Variants in TOX observed in about 807,000 individuals in gnomAD.
TOX encodes thymocyte selection associated high mobility group box.
Under a neutral mutation model 53.7 loss-of-function variants are expected in TOX, and 11 were observed. That is an observed-to-expected ratio of 0.20 (90% CI 0.13 to 0.34). The LOEUF is 0.34. TOX is among the 10% of genes least tolerant of loss of function. The pLI is 1.00. For missense variants in TOX, 570 were observed against 664.6 expected (o/e 0.86, Z 1.56); for synonymous variants, 225 against 245.3 (o/e 0.92, Z 0.77).
At chr8:58,997,460 T>C (rs921213231) in intron 1 of TOX, among the ~76,000 whole-genome samples, 4 of 152,182 alleles carry the variant, frequency 2.6e-5, no homozygotes, top group Admixed American at 1.3e-4. Flanking sequence ...TCTGAAACCT[T>C]TTCCTAGGCC....
At chr8:59,000,913 G>T (rs1315471821) in intron 1 of TOX, among the ~76,000 whole-genome samples, 2 of 152,224 alleles carry the variant, frequency 1.3e-5, no homozygotes, top group African/African-American at 4.8e-5. Flanking sequence ...AGGCAATTCA[G>T]TTATGAAATT....
At chr8:59,113,490 G>A (rs1805054122) in intron 1 of TOX, among the ~76,000 whole-genome samples, 1 of 152,076 alleles carries the variant, frequency 6.6e-6, no homozygotes, top group South Asian at 2.1e-4. Context: ...AGGGCTGGTA[G>A]ATTCCAAATA....
At chr8:58,842,507 C>A (rs1048526961) in intron 4 of TOX, among the ~76,000 whole-genome samples, 2 of 152,108 alleles carry the variant, frequency 1.3e-5, no homozygotes, top group African/African-American at 4.8e-5. Context: ...TCTGTTACAG[C>A]GGCACAAAAT....
At chr8:59,084,804 G>T (rs1285809786) in intron 1 of TOX, among the ~76,000 whole-genome samples, 2 of 152,122 alleles carry the variant, frequency 1.3e-5, no homozygotes. Flanking sequence ...GAAGTGTAAA[G>T]GAATACTGGA....
intron 3 of TOX, among the ~76,000 whole-genome samples, chr8:58,913,615 T>C: frequency 6.6e-6 from 1 of 152,238 alleles, no homozygotes; most frequent in African/African-American, 2.4e-5. Context: ...TAGTTTGATT[T>C]ATTTATATAT....
At chr8:59,023,134 G>A (rs1375907373) in intron 1 of TOX, among the ~76,000 whole-genome samples, 2 of 152,154 alleles carry the variant, frequency 1.3e-5, no homozygotes, top group Non-Finnish European at 2.9e-5. Context: ...GACCAATCTC[G>A]CTGAGAAACT....
chr8:58,966,979 A>G (rs1399662440), intron 1 of TOX, among the ~76,000 whole-genome samples: 1 of 147,286 alleles, frequency 6.8e-6, no homozygotes, highest in Non-Finnish European at 1.5e-5. Context: ...GGTTCATGCC[A>G]TTCTCCTGTC....
intron 4 of TOX, among the ~76,000 whole-genome samples, chr8:58,847,641 C>G (rs1293144264): frequency 1.3e-5 from 2 of 151,874 alleles, no homozygotes; most frequent in African/African-American, 4.8e-5. Flanking sequence ...AAAATTTCCC[C>G]AAAATGCTGA....
chr8:58,986,991 C>G (rs1459530050), intron 1 of TOX, among the ~76,000 whole-genome samples: 1 of 152,160 alleles, frequency 6.6e-6, no homozygotes, highest in Non-Finnish European at 1.5e-5. Context: ...AACGCCTAGT[C>G]TGAATTTCAT....
chr8:59,000,424 GA>G (rs1813669489), intron 1 of TOX, among the ~76,000 whole-genome samples: 1 of 152,012 alleles, frequency 6.6e-6, no homozygotes, highest in East Asian at 1.9e-4. Context: ...AGTTCATTGG[GA>G]AAAAAATGAG....
chr8:59,017,125 T>C (rs551627904), intron 1 of TOX, among the ~76,000 whole-genome samples: 128 of 152,360 alleles, frequency 8.4e-4, no homozygotes, highest in Admixed American at 2.1e-3. Flanking sequence ...TGCGAGGACA[T>C]CGTCTAGCTT....
chr8:58,830,973 T>C (rs1013955891), intron 5 of TOX, among the ~76,000 whole-genome samples: 15 of 152,340 alleles, frequency 9.8e-5, no homozygotes, highest in Middle Eastern at 3.4e-3. Flanking sequence ...CAAGTGCATC[T>C]ATATTTTATA....
At chr8:58,986,403 C>T (rs1232302574) in intron 1 of TOX, among the ~76,000 whole-genome samples, 1 of 152,190 alleles carries the variant, frequency 6.6e-6, no homozygotes, top group Non-Finnish European at 1.5e-5. Flanking sequence ...AGTAAGATTA[C>T]AGCCTGGTAC....
chr8:59,002,462 G>C (rs1813709309), intron 1 of TOX, among the ~76,000 whole-genome samples: 1 of 151,156 alleles, frequency 6.6e-6, no homozygotes, highest in Non-Finnish European at 1.5e-5. Context: ...CGTGGTGGCA[G>C]GCGCCTGTAG....
chr8:58,881,723 C>CCAAAA (rs1811385868), intron 3 of TOX, among the ~76,000 whole-genome samples: 1 of 82,524 alleles, frequency 1.2e-5, no homozygotes, highest in Non-Finnish European at 2.2e-5. Flanking sequence ...GATTCCATCT[C>CCAAAA]AAAAAAAAAA....
At chr8:58,886,137 A>T (rs2129171360) in intron 3 of TOX, among the ~76,000 whole-genome samples, 1 of 152,230 alleles carries the variant, frequency 6.6e-6, no homozygotes, top group South Asian at 2.1e-4. Flanking sequence ...AGGAGAGAAC[A>T]GTCTTTTTAC....
intron 3 of TOX, among the ~76,000 whole-genome samples, chr8:58,934,336 A>C (rs1812309562): frequency 6.6e-6 from 1 of 152,216 alleles, no homozygotes; most frequent in Non-Finnish European, 1.5e-5. Context: ...CTTTCACTCT[A>C]TGTATGCTGC....
chr8:59,036,018 C>T (rs79227728), intron 1 of TOX, among the ~76,000 whole-genome samples: 4,261 of 152,328 alleles, frequency 0.028, 195 homozygotes, highest in African/African-American at 0.095. Context: ...GTCAAACTGT[C>T]CTGCTGGCCC....
chr8:59,044,073 C>T (rs539611930), intron 1 of TOX, among the ~76,000 whole-genome samples: 1 of 152,200 alleles, frequency 6.6e-6, no homozygotes, highest in South Asian at 2.1e-4. Context: ...TGAGCCAGCT[C>T]TGGTGTAACA....
Sources: allele counts gnomAD v4.1 joint callset (sites outside exome capture counted in the v4.1 genomes callset), GRCh38; gene constraint gnomAD v4.1.1; transcripts MANE v1.5; gene names NCBI Gene and HGNC (gene_info 2026-07-23, HGNC 2026-07-21).